The following LTBP1 variants were observed in gnomAD, a reference collection of about 807,000 sequenced individuals.
The protein encoded by LTBP1 is latent transforming growth factor beta binding protein 1, also known as latent-transforming growth factor beta-binding protein 1.
In LTBP1, 129 loss-of-function variants were observed where a neutral mutation model predicts 207.6. That is an observed-to-expected ratio of 0.62 (90% confidence interval 0.54 to 0.72). The LOEUF (loss-of-function observed/expected upper bound fraction) is 0.72. Among genes scored for constraint, LTBP1 ranks in the 30% least tolerant of loss-of-function variants. LTBP1 has a pLI of 0.00. For synonymous variants in LTBP1, 963 were observed against 833.7 expected, an observed-to-expected ratio of 1.16 and a Z score of -2.67; for missense variants, 2,281 against 2,217.2, an observed-to-expected ratio of 1.03 and a Z score of -0.58.
chr2:32,971,244 A>G (rs955339260), intron 2 of LTBP1, among the ~76,000 whole-genome samples: 2 of 152,156 alleles, frequency 1.3e-5, no homozygotes, highest in Middle Eastern at 3.4e-3. Flanking sequence ...GCAAATAGAG[A>G]GAGTTTGACT....
At chr2:33,328,283 G>C (rs963884986) in intron 24 of LTBP1, among the ~76,000 whole-genome samples, 2 of 151,982 alleles carry the variant, frequency 1.3e-5, no homozygotes, top group African/African-American at 4.8e-5. Context: ...AAACTTCCTC[G>C]TGATTATTCC....
chr2:33,121,159 C>CTTTTTTTGTTTTTTTT (rs2081085795), intron 4 of LTBP1, among the ~76,000 whole-genome samples: 1 of 87,536 alleles, frequency 1.1e-5, no homozygotes, highest in Admixed American at 1.4e-4. Flanking sequence ...TTTGTAAAGT[C>CTTTTTTTGTTTTTTTT]TTTTTTTTTT....
At chr2:33,008,850 C>A (rs1364837230) in intron 2 of LTBP1, among the ~76,000 whole-genome samples, 1 of 152,150 alleles carries the variant, frequency 6.6e-6, no homozygotes, top group African/African-American at 2.4e-5. Flanking sequence ...AGGAAGGGAG[C>A]CTGTGACTGT....
At chr2:33,268,257 A>G (rs2093233185) in intron 15 of LTBP1, among the ~76,000 whole-genome samples, 1 of 152,212 alleles carries the variant, frequency 6.6e-6, no homozygotes, top group Non-Finnish European at 1.5e-5. Flanking sequence ...TTTAAGGAGC[A>G]ATCTCATCAG....
chr2:33,284,829 G>T (rs2093631454), intron 19 of LTBP1, among the ~76,000 whole-genome samples: 2 of 152,170 alleles, frequency 1.3e-5, no homozygotes, highest in African/African-American at 4.8e-5. Context: ...GTAAAATGGG[G>T]ATTGAAATAC....
intron 20 of LTBP1, 114 bp downstream of exon 20, chr2:33,293,396 A>C: frequency 1.9e-6 from 2 of 1,032,790 alleles, no homozygotes. Context: ...TGACCGAGCG[A>C]CTTAGAGCAC....
intron 31 of LTBP1, among the ~76,000 whole-genome samples, chr2:33,386,392 A>C (rs758157648): frequency 1.3e-5 from 2 of 152,080 alleles, no homozygotes; most frequent in African/African-American, 2.4e-5. Flanking sequence ...AGGGGAGTGC[A>C]CTGGATTGAA....
intron 4 of LTBP1, among the ~76,000 whole-genome samples, chr2:33,133,992 C>T (rs1053980356): frequency 2.0e-5 from 3 of 152,088 alleles, no homozygotes; most frequent in Non-Finnish European, 2.9e-5. Context: ...GAGAAGGCCA[C>T]GCTAATGAAA....
At chr2:33,182,336 A>C (rs1307603161) in intron 5 of LTBP1, among the ~76,000 whole-genome samples, 1 of 152,044 alleles carries the variant, frequency 6.6e-6, no homozygotes, top group Non-Finnish European at 1.5e-5. Context: ...ATACCTTGTA[A>C]AAGTCAATTG....
At chr2:33,197,895 G>C (rs2088759734) in intron 7 of LTBP1, among the ~76,000 whole-genome samples, 1 of 152,122 alleles carries the variant, frequency 6.6e-6, no homozygotes, top group South Asian at 2.1e-4. Flanking sequence ...AAAAATTCAA[G>C]TGCTTCAAGA....
chr2:33,077,136 G>A (rs2078126723), intron 3 of LTBP1, among the ~76,000 whole-genome samples: 1 of 152,174 alleles, frequency 6.6e-6, no homozygotes, highest in African/African-American at 2.4e-5. Flanking sequence ...CGGCTATGGA[G>A]AATGTTCCAT....
At chr2:33,285,851 C>G (rs1025710725) in intron 19 of LTBP1, 8 of 151,740 alleles carry the variant, frequency 5.3e-5, no homozygotes, top group African/African-American at 1.7e-4. Flanking sequence ...CAAGGTCAGA[C>G]TAGATCGGGC....
intron 2 of LTBP1, among the ~76,000 whole-genome samples, chr2:32,986,718 C>T (rs1000406576): frequency 1.3e-5 from 2 of 152,214 alleles, no homozygotes; most frequent in Non-Finnish European, 2.9e-5. Flanking sequence ...TCTCTCTCAA[C>T]AAGTCTCAGC....
chr2:33,299,980 G>A (rs1210792751), intron 20 of LTBP1, among the ~76,000 whole-genome samples: 1 of 152,072 alleles, frequency 6.6e-6, no homozygotes, highest in Non-Finnish European at 1.5e-5. Context: ...CAACTGTTTG[G>A]CCTTATAGTT....
intron 4 of LTBP1, among the ~76,000 whole-genome samples, chr2:33,124,026 T>C (rs983134230): frequency 6.6e-6 from 1 of 152,256 alleles, no homozygotes; most frequent in Non-Finnish European, 1.5e-5. Context: ...AATTGTATTA[T>C]ATTTTAGACT....
intron 31 of LTBP1, among the ~76,000 whole-genome samples, chr2:33,377,128 G>C: frequency 6.6e-6 from 1 of 152,178 alleles, no homozygotes; most frequent in Admixed American, 6.5e-5. Flanking sequence ...CCTGATAGAG[G>C]GGAAAACTTA....
intron 2 of LTBP1, among the ~76,000 whole-genome samples, chr2:33,007,179 C>T (rs1687026761): frequency 6.6e-6 from 1 of 152,202 alleles, no homozygotes; most frequent in South Asian, 2.1e-4. Flanking sequence ...ATTCTCTTGC[C>T]TCAGCCTCCC....
intron 4 of LTBP1, among the ~76,000 whole-genome samples, chr2:33,119,782 T>G (rs985095959): frequency 1.3e-5 from 2 of 152,126 alleles, no homozygotes; most frequent in African/African-American, 4.8e-5. Context: ...ATGGTCTTGA[T>G]CTCCCGACCT....
intron 25 of LTBP1, among the ~76,000 whole-genome samples, chr2:33,347,117 C>CAA (rs775058448): frequency 0.054 from 2,706 of 50,502 alleles, 122 homozygotes; most frequent in East Asian, 0.22. Context: ...GACTCCGTCT[C>CAA]AAAAAAAAAA....
Sources: gnomAD v4.1 joint callset for allele counts (sites outside exome capture counted in the v4.1 genomes callset) on GRCh38, gnomAD v4.1.1 for gene constraint, MANE v1.5 for transcripts, NCBI Gene and HGNC (gene_info 2026-07-23, HGNC 2026-07-21) for gene names.